The following CTNNA3 variants were observed in gnomAD, a reference collection of about 807,000 sequenced individuals.
CTNNA3 encodes the protein catenin alpha-3.
In CTNNA3, 76 loss-of-function variants were observed where a neutral mutation model predicts 95.7. That is an observed-to-expected ratio of 0.79 (90% CI 0.66 to 0.96). The LOEUF is 0.96. Ranked by LOEUF, CTNNA3 falls within the 40% of genes least tolerant of loss-of-function variation. The probability of loss-of-function intolerance (pLI) is 0.00; values close to 1 mark genes in which losing one functional copy is unlikely to be tolerated. For synonymous variants in CTNNA3, 431 were observed against 374.4 expected, an observed-to-expected ratio of 1.15 and a Z score of -1.74; for missense variants, 1,191 against 1,089.8, an observed-to-expected ratio of 1.09 and a Z score of -1.31.
chr10:66,693,849 T>C (rs1847655235), intron 9 of CTNNA3, among the ~76,000 whole-genome samples: 1 of 151,952 alleles, frequency 6.6e-6, no homozygotes, highest in African/African-American at 2.4e-5. Context: ...AACAACCTGC[T>C]CCTGAATGAC....
At chr10:67,378,406 A>C (rs1194295429) in intron 5 of CTNNA3, among the ~76,000 whole-genome samples, 1 of 152,134 alleles carries the variant, frequency 6.6e-6, no homozygotes, top group Non-Finnish European at 1.5e-5. Flanking sequence ...TAAGAAACGA[A>C]TATTTGTGTA....
chr10:66,602,188 ACCCT>A (rs1843951773), intron 10 of CTNNA3, among the ~76,000 whole-genome samples: 1 of 151,884 alleles, frequency 6.6e-6, no homozygotes, highest in Non-Finnish European at 1.5e-5. Flanking sequence ...TTTCATATTA[ACCCT>A]CAAGACAAGG....
rs868273420 is a variant in CTNNA3, at chr10:67,353,661, T to G, written c.580-133791A>C. ...TCTTAGGTGCCAAAAATGAAAGGAG[T>G]ATGATGATGGGATAAGCTTTATGAT... On this transcript the variant is annotated intron_variant, in intron 5 of 17. Transcript: ENST00000433211. 2.6e-5 allele frequency among the ~76,000 whole-genome samples: 4 copies of G among 151,634 alleles called. No homozygotes were observed. In the South Asian group the frequency reaches 6.2e-4, roughly 24 times the overall value.
At chr10:67,442,955 CCCA>C (rs1846586689) in intron 5 of CTNNA3, among the ~76,000 whole-genome samples, 1 of 113,860 alleles carries the variant, frequency 8.8e-6, no homozygotes, top group Admixed American at 1.0e-4. Context: ...CTCCCCCCAC[CCCA>C]CAACAGTCCC....
At chr10:66,168,411 A>T (rs1342213369) in intron 13 of CTNNA3, among the ~76,000 whole-genome samples, 6 of 151,968 alleles carry the variant, frequency 3.9e-5, no homozygotes, top group Non-Finnish European at 2.9e-5. Context: ...TTTCAACCTC[A>T]TCTTTTATAT....
At chr10:67,070,229 C>A (rs867522475) in intron 7 of CTNNA3, among the ~76,000 whole-genome samples, 1 of 152,090 alleles carries the variant, frequency 6.6e-6, no homozygotes, top group Admixed American at 6.6e-5. Context: ...GACTTTTACT[C>A]ACTTTTTTAT....
At chr10:66,693,950 A>G (rs1847658938) in intron 9 of CTNNA3, among the ~76,000 whole-genome samples, 1 of 152,122 alleles carries the variant, frequency 6.6e-6, no homozygotes, top group Non-Finnish European at 1.5e-5. Context: ...TCTCTGGGAC[A>G]CATTCAAAGC....
At chr10:66,268,320 A>G (rs552877572) in intron 13 of CTNNA3, among the ~76,000 whole-genome samples, 2 of 152,226 alleles carry the variant, frequency 1.3e-5, no homozygotes, top group East Asian at 3.9e-4. Flanking sequence ...GTGACACTCT[A>G]TGATTTCCAA....
intron 15 of CTNNA3, among the ~76,000 whole-genome samples, chr10:66,052,545 C>A (rs546068569): frequency 6.6e-6 from 1 of 152,254 alleles, no homozygotes; most frequent in African/African-American, 2.4e-5. Flanking sequence ...TTAAAAGTGT[C>A]TTAAGCAATT....
intron 7 of CTNNA3, among the ~76,000 whole-genome samples, chr10:67,172,498 A>G (rs554557098): frequency 2.6e-5 from 4 of 152,258 alleles, no homozygotes; most frequent in Admixed American, 2.6e-4. Context: ...AATCCATCAT[A>G]TGTATTCTTG....
chr10:66,405,521 A>C (rs779408963), intron 11 of CTNNA3, among the ~76,000 whole-genome samples: 2 of 152,124 alleles, frequency 1.3e-5, no homozygotes, highest in Non-Finnish European at 2.9e-5. Context: ...GACCCCCATC[A>C]TTGCCATTTG....
At chr10:67,749,083 A>G (rs1393069898) in intron 1 of CTNNA3, among the ~76,000 whole-genome samples, 1 of 152,248 alleles carries the variant, frequency 6.6e-6, no homozygotes, top group African/African-American at 2.4e-5. Flanking sequence ...AAAGGGATTA[A>G]TTCAGTGAGA....
chr10:67,611,870 C>T (rs139738538), intron 2 of CTNNA3, among the ~76,000 whole-genome samples: 77 of 152,244 alleles, frequency 5.1e-4, no homozygotes, highest in African/African-American at 1.6e-3. Context: ...AAATATAAGA[C>T]ATTTAAGCTA....
At chr10:66,445,058 A>C (rs2093408454) in intron 11 of CTNNA3, among the ~76,000 whole-genome samples, 2 of 152,102 alleles carry the variant, frequency 1.3e-5, no homozygotes. Flanking sequence ...ACCAACAAAG[A>C]TCAAAAGAGA....
chr10:67,526,984 A>G (rs1280679858), intron 4 of CTNNA3, among the ~76,000 whole-genome samples: 3 of 152,192 alleles, frequency 2.0e-5, no homozygotes, highest in Non-Finnish European at 4.4e-5. Flanking sequence ...TTGGCCAGGT[A>G]CAGTGGCTCA....
intron 5 of CTNNA3, among the ~76,000 whole-genome samples, chr10:67,277,279 A>G (rs1220173945): frequency 1.3e-5 from 2 of 152,210 alleles, no homozygotes; most frequent in Non-Finnish European, 2.9e-5. Context: ...CTCCCAGTAC[A>G]CCAGAAAGGT....
Position 66,943,367 on chromosome 10 carries a change from G to T in CTNNA3, c.1048-167843C>A, listed in dbSNP as rs143301487. ...TTTACACTTTAACACATCTGAGAGA[G>T]AAATTACTCTTAAATTAGAAACTGA... On this transcript the variant is annotated intron_variant, in intron 7 of 17. Coordinates refer to ENST00000433211, the MANE Select transcript of CTNNA3 (RefSeq NM_013266.4). 8.7e-3 allele frequency among the ~76,000 whole-genome samples: 1,318 copies of T among 152,158 alleles called. 19 individuals carry two copies. Among genetic ancestry groups the T allele is most frequent in the African/African-American group, 0.03 (1,239 of 41,536 alleles).
At position 66,798,262 on chromosome 10, in the gene CTNNA3, T is replaced by C. The variant is rs148874457; in HGVS notation, c.1048-22738A>G. Among the ~76,000 whole-genome samples the C allele has an allele frequency of 3.3e-4, 50 of 151,920 alleles. No individual in the cohort carries two copies. In the East Asian group the frequency reaches 9.3e-3, roughly 28 times the overall value. On this transcript the variant is annotated intron_variant, in intron 7 of 17. Transcript: ENST00000433211. The stretch of plus-strand genomic sequence containing the variant: ...ATGGAAACATATTTTAAGTTGAAAA[T>C]TGATAACAATATTATTACTAATATT...
chr10:66,943,946 CTT>C (rs1848153105), intron 7 of CTNNA3, among the ~76,000 whole-genome samples: 1 of 152,184 alleles, frequency 6.6e-6, no homozygotes, highest in Middle Eastern at 3.2e-3. Context: ...GAATCACAAT[CTT>C]TTTGCTGGTG....
Sources: gnomAD v4.1 joint callset for allele counts (sites outside exome capture counted in the v4.1 genomes callset) on GRCh38, gnomAD v4.1.1 for gene constraint, MANE v1.5 for transcripts, NCBI Gene and HGNC (gene_info 2026-07-23, HGNC 2026-07-21) for gene names.